Variants in ARL15 observed in about 807,000 individuals in gnomAD.
ARL15 encodes ADP-ribosylation factor-like protein 15.
ARL15 carries 19 observed loss-of-function variants against 25.2 expected under a neutral mutation model. The observed-to-expected ratio is 0.75, with a 90% CI of 0.53 to 1.10. The LOEUF (loss-of-function observed/expected upper bound fraction) is 1.10. Among genes scored for constraint, ARL15 ranks in the 50% least tolerant of loss-of-function variants. The pLI, the probability that ARL15 is intolerant of heterozygous loss-of-function variation, is 0.00. For missense variants in ARL15, 220 were observed against 246.0 expected (o/e 0.89, Z 0.71); for synonymous variants, 94 against 86.8 (o/e 1.08, Z -0.46).
chr5:53,886,634 T>A lies in ARL15; in HGVS notation c.542A>T (p.Asp181Val), dbSNP rs1170626630. ...ILQPCSLDDMDALKDSFSQLI... is the reference protein window; with the variant it reads ...ILQPCSLDDMVALKDSFSQLI... ...CTGAGAGAAGCTGTCTTTCAGTGCA[T>A]CCATGTCATCCAGTGAGCAGGGCTG... Residue 181 changes from aspartate to valine, a missense_variant, in exon 5 of 5, where the codon GAT (aspartate) becomes GTT (valine). By Grantham distance (152) the Asp-to-Val change is radical (BLOSUM62 -3). Transcript: ENST00000504924. 1.9e-6 allele frequency: 3 copies of A among 1,571,828 alleles called. No individual in the cohort carries two copies. The East Asian group carries it at 7.0e-5, about 36-fold the overall frequency.
intron 2 of ARL15, among the ~76,000 whole-genome samples, chr5:54,162,089 G>C (rs1754422867): frequency 6.6e-6 from 1 of 151,772 alleles, no homozygotes; most frequent in South Asian, 2.1e-4. Flanking sequence ...TAAGTTTGAA[G>C]ATGTCAGCAA....
At chr5:54,099,254 G>A (rs1752369991) in intron 4 of ARL15, among the ~76,000 whole-genome samples, 1 of 152,040 alleles carries the variant, frequency 6.6e-6, no homozygotes, top group Non-Finnish European at 1.5e-5. Context: ...TTAAAAATGA[G>A]GGCAGAATGA....
At chr5:54,002,439 C>A (rs1454695107) in intron 4 of ARL15, among the ~76,000 whole-genome samples, 2 of 152,226 alleles carry the variant, frequency 1.3e-5, no homozygotes, top group Non-Finnish European at 2.9e-5. Context: ...GTGTCAATTG[C>A]AACTTTTTCA....
chr5:53,997,578 C>T (rs1335779312), intron 4 of ARL15, among the ~76,000 whole-genome samples: 2 of 152,056 alleles, frequency 1.3e-5, no homozygotes, highest in African/African-American at 2.4e-5. Context: ...ATGAAAGGGA[C>T]CTTGGAGGTC....
At chr5:54,153,436 A>G (rs1754128338) in intron 3 of ARL15, among the ~76,000 whole-genome samples, 1 of 152,184 alleles carries the variant, frequency 6.6e-6, no homozygotes, top group Non-Finnish European at 1.5e-5. Context: ...TATTTTTCTT[A>G]AAAGTACAAT....
intron 1 of ARL15, among the ~76,000 whole-genome samples, chr5:54,256,259 A>T (rs1757358232): frequency 6.6e-6 from 1 of 152,018 alleles, no homozygotes; most frequent in Non-Finnish European, 1.5e-5. Context: ...AATACAAAAG[A>T]TCATTTGAGA....
At chr5:54,220,652 G>A (rs570299002) in intron 1 of ARL15, among the ~76,000 whole-genome samples, 7 of 152,012 alleles carry the variant, frequency 4.6e-5, no homozygotes, top group African/African-American at 9.7e-5. Context: ...AGAGACCTTC[G>A]GACGCCGCAT....
chr5:53,953,435 T>C (rs1329403363), intron 4 of ARL15, among the ~76,000 whole-genome samples: 1 of 152,194 alleles, frequency 6.6e-6, no homozygotes, highest in Non-Finnish European at 1.5e-5. Context: ...TACAGCAAAG[T>C]AGATTGAGTT....
intron 4 of ARL15, among the ~76,000 whole-genome samples, chr5:53,945,270 G>A (rs751546258): frequency 3.3e-5 from 5 of 152,058 alleles, no homozygotes; most frequent in African/African-American, 4.8e-5. Flanking sequence ...TCACTATTAC[G>A]TTGCAACTGT....
chr5:53,897,547 G>A (rs911586716), intron 4 of ARL15, among the ~76,000 whole-genome samples: 1 of 152,136 alleles, frequency 6.6e-6, no homozygotes, highest in Admixed American at 6.5e-5. Context: ...GAGCAGTTTT[G>A]TGTAAACACA....
intron 1 of ARL15, among the ~76,000 whole-genome samples, chr5:54,208,003 T>C (rs539145749): frequency 1.3e-5 from 2 of 152,278 alleles, no homozygotes; most frequent in East Asian, 1.9e-4. Context: ...AACTTTAGCA[T>C]AGTGAATATT....
chr5:53,897,800 T>C (rs1580058409), intron 4 of ARL15, among the ~76,000 whole-genome samples: 2 of 152,248 alleles, frequency 1.3e-5, no homozygotes, highest in East Asian at 3.9e-4. Flanking sequence ...GTTGCTGGAT[T>C]AATTTGTTAG....
chr5:54,196,279 G>A (rs1316313114), intron 1 of ARL15, among the ~76,000 whole-genome samples: 1 of 152,066 alleles, frequency 6.6e-6, no homozygotes, highest in Non-Finnish European at 1.5e-5. Flanking sequence ...GGATTGCTTG[G>A]TAGCAGACAG....
intron 4 of ARL15, among the ~76,000 whole-genome samples, chr5:53,939,274 C>T (rs1043181791): frequency 1.3e-5 from 2 of 152,178 alleles, no homozygotes; most frequent in African/African-American, 4.8e-5. Flanking sequence ...GAAAGTGTTA[C>T]CTATCTTCTG....
At chr5:53,997,802 C>T (rs372553050) in intron 4 of ARL15, among the ~76,000 whole-genome samples, 79 of 151,998 alleles carry the variant, frequency 5.2e-4, no homozygotes, top group African/African-American at 1.8e-3. Flanking sequence ...AAAAGAGGGA[C>T]GCTTTGGAAA....
intron 4 of ARL15, among the ~76,000 whole-genome samples, chr5:54,066,878 C>T (rs190729927): frequency 5.0e-4 from 76 of 152,048 alleles, no homozygotes; most frequent in African/African-American, 1.7e-3. Flanking sequence ...GAAACTAAAG[C>T]ATAATCGCCA....
chr5:53,901,373 A>G lies in ARL15; in HGVS notation c.463-14660T>C, dbSNP rs116138640. Among the ~76,000 whole-genome samples the G allele has an allele frequency of 4.1e-3, 632 of 152,322 alleles. 3 individuals carry two copies. The highest frequency in any genetic ancestry group is 0.014 in the African/African-American group (595 of 41,574). ...ATGAAAACCTTTCTCCTGGCAATAG[A>G]ATAAGGTTGTTTAAGGAGTCCTACC... On this transcript the variant is annotated intron_variant, in intron 4 of 4. Transcript: ENST00000504924.
intron 4 of ARL15, among the ~76,000 whole-genome samples, chr5:54,071,009 A>G (rs1223934490): frequency 6.6e-6 from 1 of 151,390 alleles, no homozygotes; most frequent in East Asian, 2.0e-4. Context: ...TCTCTATGAA[A>G]AAACACAAAA....
chr5:54,298,191 C>G (rs552435734), intron 1 of ARL15, among the ~76,000 whole-genome samples: 11 of 152,244 alleles, frequency 7.2e-5, no homozygotes, highest in Non-Finnish European at 1.3e-4. Flanking sequence ...ACCCCATTGT[C>G]TACCTATGGA....
Sources: allele counts gnomAD v4.1 joint callset (sites outside exome capture counted in the v4.1 genomes callset), GRCh38; gene constraint gnomAD v4.1.1; transcripts MANE v1.5; gene names NCBI Gene and HGNC (gene_info 2026-07-23, HGNC 2026-07-21).